Variants in CSMD1 observed in about 807,000 individuals in gnomAD.
CSMD1 encodes CUB and sushi domain-containing protein 1.
Under a neutral mutation model 417.5 loss-of-function variants are expected in CSMD1, and 213 were observed. The ratio of observed to expected loss-of-function variants is 0.51; its 90% CI spans 0.46 to 0.57. CSMD1 has a LOEUF of 0.57. CSMD1 is among the 20% of genes least tolerant of loss of function. CSMD1 has a pLI of 0.00. For missense variants in CSMD1, 6,923 were observed against 4,529.7 expected, an observed-to-expected ratio of 1.53 and a Z score of -15.17; for synonymous variants, 2,862 against 1,736.8, an observed-to-expected ratio of 1.65 and a Z score of -16.11.
intron 10 of CSMD1, among the ~76,000 whole-genome samples, chr8:3,556,851 T>A (rs2046220): frequency 6.6e-5 from 10 of 151,810 alleles, no homozygotes; most frequent in African/African-American, 2.2e-4. Flanking sequence ...GCTTACCCCC[T>A]CTGGACAGAT....
intron 23 of CSMD1, among the ~76,000 whole-genome samples, chr8:3,342,782 G>C (rs1376020140): frequency 6.6e-6 from 1 of 152,034 alleles, no homozygotes; most frequent in African/African-American, 2.4e-5. Context: ...ATTCCTCTTA[G>C]TTCTCTCGTC....
intron 4 of CSMD1, among the ~76,000 whole-genome samples, chr8:4,027,315 T>A (rs558413507): frequency 6.6e-6 from 1 of 152,092 alleles, no homozygotes; most frequent in African/African-American, 2.4e-5. Flanking sequence ...GAAAGTAGGA[T>A]GATGGTATGC....
chr8:4,232,065 G>A (rs1018635656), intron 3 of CSMD1, among the ~76,000 whole-genome samples: 2 of 152,186 alleles, frequency 1.3e-5, no homozygotes, highest in Non-Finnish European at 2.9e-5. Context: ...TTAGAAGAGC[G>A]AAGTAGTAAT....
intron 7 of CSMD1, among the ~76,000 whole-genome samples, chr8:3,643,253 G>C (rs1014235400): frequency 1.3e-5 from 2 of 152,160 alleles, no homozygotes; most frequent in East Asian, 1.9e-4. Context: ...CAAAGACAAA[G>C]AGAAGATTCC....
chr8:3,631,474 G>C (rs1796780822), intron 7 of CSMD1, among the ~76,000 whole-genome samples: 1 of 152,214 alleles, frequency 6.6e-6, no homozygotes, highest in African/African-American at 2.4e-5. Context: ...AAACAACACA[G>C]AGGCTGAGGA....
intron 3 of CSMD1, among the ~76,000 whole-genome samples, chr8:4,321,803 G>C (rs547246190): frequency 6.6e-6 from 1 of 152,044 alleles, no homozygotes; most frequent in Admixed American, 6.6e-5. Context: ...AATTTACAAA[G>C]TACTAAATAT....
At chr8:2,941,062 T>G (rs1433610387) in intron 69 of CSMD1, among the ~76,000 whole-genome samples, 11 of 152,232 alleles carry the variant, frequency 7.2e-5, no homozygotes, top group Non-Finnish European at 1.6e-4. Context: ...TGAGCAGAAA[T>G]TCAAGGATAA....
chr8:3,938,141 T>C (rs556918133), intron 5 of CSMD1, among the ~76,000 whole-genome samples: 2 of 152,236 alleles, frequency 1.3e-5, no homozygotes, highest in East Asian at 3.9e-4. Flanking sequence ...AATAAATATT[T>C]TATTAATTTC....
At chr8:3,498,707 C>G (rs1253049918) in intron 10 of CSMD1, among the ~76,000 whole-genome samples, 1 of 152,098 alleles carries the variant, frequency 6.6e-6, no homozygotes, top group Non-Finnish European at 1.5e-5. Flanking sequence ...TCTTTTTTGT[C>G]TGACTGGCTT....
chr8:3,631,891 T>C (rs1294661337), intron 7 of CSMD1, among the ~76,000 whole-genome samples: 3 of 152,196 alleles, frequency 2.0e-5, no homozygotes, highest in African/African-American at 4.8e-5. Context: ...CCTGACTTTA[T>C]GCAGAGTAGA....
intron 1 of CSMD1, among the ~76,000 whole-genome samples, chr8:4,816,751 G>A (rs534207170): frequency 2.0e-3 from 299 of 152,250 alleles, no homozygotes; most frequent in African/African-American, 7.0e-3. Flanking sequence ...GCTGTTGCAG[G>A]ACTCATCTAG....
At chr8:3,922,099 T>A (rs1041246801) in intron 5 of CSMD1, among the ~76,000 whole-genome samples, 3 of 152,096 alleles carry the variant, frequency 2.0e-5, no homozygotes, top group African/African-American at 4.8e-5. Flanking sequence ...ATAGTTTTCA[T>A]GAATTGACCC....
rs970798153 is a variant in CSMD1, at chr8:3,894,876, C to G, written c.818+103027G>C. Among the ~76,000 whole-genome samples, 17 of 152,272 alleles carry G rather than the reference C, an allele frequency of 1.1e-4. No homozygotes were observed. In the South Asian group the frequency reaches 1.7e-3, roughly 15 times the overall value. Reference sequence around the variant, plus strand: ...AAAGGAACATTATTTTCACACCTGTCTTATAAATCCTATAAAATTACAGTG... The same window carrying G: ...AAAGGAACATTATTTTCACACCTGTGTTATAAATCCTATAAAATTACAGTG... On this transcript the variant is annotated intron_variant, in intron 5 of 69. Coordinates refer to ENST00000635120, the MANE Select transcript of CSMD1 (RefSeq NM_033225.6).
intron 22 of CSMD1, among the ~76,000 whole-genome samples, chr8:3,344,300 C>G (rs1003085160): frequency 6.6e-6 from 1 of 152,100 alleles, no homozygotes; most frequent in Non-Finnish European, 1.5e-5. Context: ...GCTCAGGTAA[C>G]AGAAACAGCA....
chr8:3,611,911 C>T (rs1331688217), intron 8 of CSMD1, among the ~76,000 whole-genome samples: 2 of 152,014 alleles, frequency 1.3e-5, no homozygotes, highest in South Asian at 2.1e-4. Context: ...TTCAAAACCC[C>T]ATATCCAAAT....
At chr8:4,930,864 AG>A (rs1267792723) in intron 1 of CSMD1, among the ~76,000 whole-genome samples, 3 of 152,228 alleles carry the variant, frequency 2.0e-5, no homozygotes, top group Admixed American at 1.3e-4. Context: ...TTCTTAATAA[AG>A]GGTTCCCAGA....
chr8:3,432,471 C>A (rs530619875), intron 12 of CSMD1, among the ~76,000 whole-genome samples: 1 of 150,836 alleles, frequency 6.6e-6, no homozygotes, highest in Admixed American at 6.6e-5. Flanking sequence ...GTTACTCCTT[C>A]CCATTACTGA....
chr8:4,291,373 T>A (rs1484484390), intron 3 of CSMD1, among the ~76,000 whole-genome samples: 1 of 152,104 alleles, frequency 6.6e-6, no homozygotes, highest in Non-Finnish European at 1.5e-5. Context: ...AAAATACAAA[T>A]TTATACTTAC....
intron 1 of CSMD1, among the ~76,000 whole-genome samples, chr8:4,684,222 T>C (rs1806227775): frequency 1.3e-5 from 2 of 152,244 alleles, no homozygotes; most frequent in Non-Finnish European, 2.9e-5. Flanking sequence ...TCAGTGGATT[T>C]TCTTCTTTAT....
Sources: gnomAD v4.1 joint callset for allele counts (sites outside exome capture counted in the v4.1 genomes callset) on GRCh38, gnomAD v4.1.1 for gene constraint, MANE v1.5 for transcripts, NCBI Gene and HGNC (gene_info 2026-07-23, HGNC 2026-07-21) for gene names.